REEP5: variants seen among roughly 807,000 people sequenced by gnomAD.
REEP5 encodes receptor expression-enhancing protein 5.
REEP5 carries 24 observed loss-of-function variants against 22.4 expected under a neutral mutation model. The observed-to-expected ratio is 1.07, with a 90% CI of 0.78 to 1.51. The LOEUF (loss-of-function observed/expected upper bound fraction) is 1.51. REEP5 is among the 40% of genes most tolerant of loss of function. REEP5 has a pLI of 0.00. For missense variants in REEP5, 252 were observed against 233.0 expected (o/e 1.08, Z -0.53); for synonymous variants, 103 against 88.6 (o/e 1.16, Z -0.92).
At chr5:112,887,269 G>T in intron 3 of REEP5, 86 bp from the exon 4 acceptor site, 1 of 1,225,930 alleles carries the variant, frequency 8.2e-7, no homozygotes, top group Non-Finnish European at 1.1e-6. Flanking sequence ...CTACTCTGGG[G>T]ATGGGAGATG....
chr5:112,887,006 G>GA lies in REEP5; in HGVS notation c.520+8dup. ...TCACATGTGGGGCCATCTTGTTCCT[G>GA]AGTCTTACCTTCTTTAGTGATGGCA... is the stretch of plus-strand genomic sequence containing the variant. On this transcript the variant is annotated intron_variant, in intron 4 of 4. Coordinates refer to ENST00000379638, the MANE Select transcript of REEP5 (RefSeq NM_005669.5). 1 of 1,582,008 alleles carries GA rather than the reference G, an allele frequency of 6.3e-7. No homozygotes were observed. Among genetic ancestry groups the GA allele is most frequent in the South Asian group, 1.1e-5 (1 of 88,930 alleles).
chr5:112,905,430 G>A lies in REEP5; in HGVS notation c.213-2912C>T, dbSNP rs1320075466. 2.6e-5 allele frequency among the ~76,000 whole-genome samples: 4 copies of A among 151,784 alleles called. No homozygotes were observed. In the South Asian group the frequency reaches 8.3e-4, roughly 32 times the overall value. ...GTGGCACATGCCTGTAATCCCAGCT[G>A]CTTGGGAGGCTGAGGCAGGAGACTC... On this transcript the variant is annotated intron_variant, in intron 2 of 4. Coordinates refer to ENST00000379638, the MANE Select transcript of REEP5 (RefSeq NM_005669.5).
At chr5:112,890,478 C>A (rs1389385259) in intron 3 of REEP5, among the ~76,000 whole-genome samples, 1 of 150,216 alleles carries the variant, frequency 6.7e-6, no homozygotes, top group Non-Finnish European at 1.5e-5. Context: ...AAGTGATTCT[C>A]CCGCCTCAGC....
chr5:112,894,505 A>G (rs1768618292), intron 3 of REEP5: 1 of 152,252 alleles, frequency 6.6e-6, no homozygotes, highest in African/African-American at 2.4e-5. Flanking sequence ...AATGCAATAC[A>G]ACATTATGAT....
chr5:112,892,307 A>T lies in REEP5; in HGVS notation c.352-5124T>A, dbSNP rs770817305. 5 of 1,614,108 alleles carry T rather than the reference A, an allele frequency of 3.1e-6. No homozygotes were observed. In the Admixed American group the frequency reaches 8.3e-5, roughly 27 times the overall value. On this transcript the variant is annotated intron_variant, in intron 3 of 4. Transcript: ENST00000379638. Reference sequence around the variant, plus strand: ...GGAATGGAGCAGTGCAGGAGGGATGACTATGACCCTGACGCAAGCCTGGAG... The same window carrying T: ...GGAATGGAGCAGTGCAGGAGGGATGTCTATGACCCTGACGCAAGCCTGGAG...
intron 3 of REEP5, chr5:112,893,273 G>T: frequency 3.8e-6 from 1 of 266,160 alleles, no homozygotes; most frequent in Non-Finnish European, 7.3e-6. Flanking sequence ...AGCCAGGTGT[G>T]GTGGCAGGCG....
intron 4 of REEP5, among the ~76,000 whole-genome samples, 171 bp downstream of exon 4, chr5:112,886,844 G>T (rs74743339): frequency 6.6e-6 from 1 of 152,156 alleles, no homozygotes; most frequent in East Asian, 1.9e-4. Flanking sequence ...GGGAAAAGTC[G>T]AGAACTGTAA....
intron 2 of REEP5, among the ~76,000 whole-genome samples, chr5:112,920,832 G>A (rs1769339600): frequency 6.6e-6 from 1 of 152,330 alleles, no homozygotes; most frequent in South Asian, 2.1e-4. Flanking sequence ...CTAGACAGAA[G>A]TGCTCAGCTC....
intron 1 of REEP5, chr5:112,921,462 C>T: frequency 1.7e-6 from 1 of 597,712 alleles, no homozygotes; most frequent in Non-Finnish European, 3.0e-6. Flanking sequence ...GGCAGCCCCA[C>T]CATTGTGCCT....
chr5:112,877,816 A>AAAG lies in REEP5; in HGVS notation c.*967_*969dup, dbSNP rs1271701041. ...CAGAAGTTCCTTAAACTGGTTTAAA[A>AAAG]AAGAAGATTGGGAAAGAAGACTAAA... On this transcript the variant is annotated 3_prime_UTR_variant, in exon 5 of 5. Coordinates refer to ENST00000379638, the MANE Select transcript of REEP5 (RefSeq NM_005669.5). The AAAG allele has an allele frequency of 3.9e-5, 6 of 152,228 alleles. No individual in the cohort carries two copies. The highest frequency in any genetic ancestry group is 7.3e-5 in the Non-Finnish European group (5 of 68,036). The allele number at this position is 152,228 out of a possible 1,614,324, so 9.4% of individuals were successfully genotyped here.
intron 2 of REEP5, among the ~76,000 whole-genome samples, chr5:112,907,784 A>C (rs1308167556): frequency 6.6e-6 from 1 of 152,222 alleles, no homozygotes; most frequent in African/African-American, 2.4e-5. Context: ...ACATTTTGGC[A>C]CATCCGTACA....
At position 112,887,057 on chromosome 5, in the gene REEP5, T is replaced by C. The variant is rs1288380989; in HGVS notation, c.478A>G (p.Lys160Glu). The C allele has an allele frequency of 6.2e-7, 1 of 1,613,148 alleles. No individual in the cohort carries two copies. Among genetic ancestry groups the C allele is most frequent in the Non-Finnish European group, 8.5e-7 (1 of 1,179,492 alleles). ...TCTGCAGTCTCTTTGGCCTTGTCTT[T>C]AAGGTCCTTGACCACACTGTCCATC... ...SQMDSVVKDLKDKAKETADAI... is the reference protein window; with the variant it reads ...SQMDSVVKDLEDKAKETADAI... Residue 160 changes from lysine (K) to glutamate (E), a missense_variant, in exon 4 of 5, where the codon AAA (lysine) becomes GAA (glutamate). Coordinates refer to ENST00000379638, the MANE Select transcript of REEP5 (RefSeq NM_005669.5).
intron 4 of REEP5, among the ~76,000 whole-genome samples, chr5:112,879,803 G>A (rs1296030940): frequency 6.6e-6 from 1 of 151,980 alleles, no homozygotes; most frequent in Non-Finnish European, 1.5e-5. Context: ...ATTCGGCCAG[G>A]CATAATGACT....
Position 112,878,800 on chromosome 5 carries a change from T to C in REEP5, c.556A>G (p.Lys186Glu), listed in dbSNP as rs765074275. 6.2e-7 allele frequency: 1 copy of C among 1,614,164 alleles called. No individual in the cohort carries two copies. Among genetic ancestry groups the C allele is most frequent in the East Asian group, 2.2e-5 (1 of 44,878 alleles). ...KATVNLLGEE[K>E]KST ...TCCAGTCTGGTTTAGGTGCTCTTCT[T>C]TTCTTCACCCAGTAAATTCACGGTA... The change falls in exon 5 of 5, where the codon AAG becomes GAG. Residue 186 changes from lysine to glutamate, a missense_variant. Physicochemically the swap from Lys to Glu is moderately conservative, Grantham distance 56. Transcript: ENST00000379638.
At position 112,878,460 on chromosome 5, in the gene REEP5, C is replaced by T. The variant is rs1279880033; in HGVS notation, c.*326G>A. On this transcript the variant is annotated 3_prime_UTR_variant, in exon 5 of 5. Transcript: ENST00000379638. Reference sequence around the variant, plus strand: ...CAGAGAAAATGCGTGCAGGGAGAGCCCAGTAAAGTACACAGCCTGTGGGGT... The same window carrying T: ...CAGAGAAAATGCGTGCAGGGAGAGCTCAGTAAAGTACACAGCCTGTGGGGT... The T allele has an allele frequency of 3.6e-6, 1 of 279,880 alleles. No homozygotes were observed. Among genetic ancestry groups the T allele is most frequent in the African/African-American group, 2.2e-5 (1 of 45,496 alleles). The allele number at this position is 279,880 out of a possible 1,614,324, so 17.3% of individuals were successfully genotyped here. A position where few individuals can be genotyped will look rare whatever the true frequency, so the allele number is the denominator to read the frequency against.
intron 2 of REEP5, among the ~76,000 whole-genome samples, chr5:112,907,293 G>A (rs1223685603): frequency 6.6e-6 from 1 of 152,098 alleles, no homozygotes; most frequent in Non-Finnish European, 1.5e-5. Context: ...CACTGATCCT[G>A]GGCTCAGAAC....
At chr5:112,908,104 T>G (rs1384185173) in intron 2 of REEP5, among the ~76,000 whole-genome samples, 5 of 146,064 alleles carry the variant, frequency 3.4e-5, no homozygotes, top group Non-Finnish European at 7.5e-5. Context: ...GTTTTTTGTT[T>G]TTTTTTTTTT....
At chr5:112,907,412 C>T (rs755513574) in intron 2 of REEP5, among the ~76,000 whole-genome samples, 11 of 152,232 alleles carry the variant, frequency 7.2e-5, no homozygotes, top group South Asian at 2.1e-4. Flanking sequence ...CGCCTAGGCT[C>T]AGTGCTGTGG....
At chr5:112,913,860 T>C (rs1196790399) in intron 2 of REEP5, among the ~76,000 whole-genome samples, 1 of 152,136 alleles carries the variant, frequency 6.6e-6, no homozygotes, top group East Asian at 1.9e-4. Context: ...CCCTAGCAGC[T>C]TAGTCTCTAA....
Sources: gnomAD v4.1 joint callset for allele counts (sites outside exome capture counted in the v4.1 genomes callset) on GRCh38, gnomAD v4.1.1 for gene constraint, MANE v1.5 for transcripts, NCBI Gene and HGNC (gene_info 2026-07-23, HGNC 2026-07-21) for gene names.